Variants in DPYD observed in about 807,000 individuals in gnomAD.
DPYD encodes dihydropyrimidine dehydrogenase [NADP(+)].
A neutral mutation model predicts 116.2 loss-of-function variants in DPYD; 109 were observed. The ratio of observed to expected loss-of-function variants is 0.94; its 90% CI spans 0.80 to 1.10. The LOEUF (loss-of-function observed/expected upper bound fraction) is 1.10, where lower values mean the gene tolerates loss of function less well. DPYD is among the 50% of genes least tolerant of loss of function. DPYD has a pLI of 0.00. For missense variants in DPYD, 1,302 were observed against 1,254.5 expected (o/e 1.04, Z -0.57); for synonymous variants, 440 against 432.0 (o/e 1.02, Z -0.23).
rs770144122 is a variant in DPYD at position 97,740,398 on chromosome 1, T to C, written c.315A>G (p.Ala105=). The change falls in exon 4 of 23, where the codon GCA becomes GCG. Residue 105 remains alanine, a synonymous_variant. Coordinates refer to ENST00000370192, the MANE Select transcript of DPYD (RefSeq NM_000110.4). ...LDIKSFITSI[A]NKNYYGAAKM... is the part of the protein sequence containing the mutation. The stretch of plus-strand genomic sequence containing the variant: ...GAGTTAAATCTGAATTTACCTTGTT[T>C]GCAATACTTGTGATGAATGATTTAA... 1.2e-6 allele frequency: 2 copies of C among 1,611,526 alleles called. No homozygotes were observed. Among genetic ancestry groups the C allele is most frequent in the Admixed American group, 1.7e-5 (1 of 59,998 alleles).
chr1:97,853,803 C>T (rs2101573061), intron 2 of DPYD, among the ~76,000 whole-genome samples: 1 of 152,254 alleles, frequency 6.6e-6, no homozygotes, highest in South Asian at 2.1e-4. Flanking sequence ...AGTGTTCTCC[C>T]ACTTTCCAGT....
At chr1:97,612,642 CAT>C (rs1656016198) in intron 8 of DPYD, among the ~76,000 whole-genome samples, 1 of 152,024 alleles carries the variant, frequency 6.6e-6, no homozygotes, top group African/African-American at 2.4e-5. Context: ...AGTTATAAGA[CAT>C]ATATCATTTA....
chr1:97,586,477 T>C (rs866340429), intron 10 of DPYD, among the ~76,000 whole-genome samples: 1,812 of 55,178 alleles, frequency 0.033, 87 homozygotes, highest in East Asian at 0.055. Context: ...TATATATATA[T>C]ATATATATAT....
chr1:97,569,004 G>A (rs1652718146), intron 11 of DPYD, among the ~76,000 whole-genome samples: 1 of 152,060 alleles, frequency 6.6e-6, no homozygotes, highest in African/African-American at 2.4e-5. Context: ...TACAGGGTAT[G>A]GAGGAGGCAC....
intron 8 of DPYD, among the ~76,000 whole-genome samples, chr1:97,604,132 T>C (rs1200228098): frequency 1.3e-5 from 2 of 152,126 alleles, no homozygotes; most frequent in African/African-American, 4.8e-5. Context: ...TCTACATCTA[T>C]GTGATTTTCT....
At chr1:97,860,349 A>G (rs569851643) in intron 2 of DPYD, among the ~76,000 whole-genome samples, 18 of 152,324 alleles carry the variant, frequency 1.2e-4, no homozygotes, top group South Asian at 6.2e-4. Flanking sequence ...CTTACTTACT[A>G]CGGGAAAACA....
At chr1:97,894,302 CT>C (rs1355177823) in intron 1 of DPYD, among the ~76,000 whole-genome samples, 1 of 151,824 alleles carries the variant, frequency 6.6e-6, no homozygotes, top group Middle Eastern at 3.2e-3. Flanking sequence ...TCATCTACCC[CT>C]AGCTACCTTC....
chr1:97,572,213 A>ATGC (rs1652950708), intron 11 of DPYD, among the ~76,000 whole-genome samples: 1 of 151,986 alleles, frequency 6.6e-6, no homozygotes, highest in Non-Finnish European at 1.5e-5. Context: ...TAAATTCTGA[A>ATGC]ATGACCTAGT....
intron 21 of DPYD, among the ~76,000 whole-genome samples, chr1:97,088,753 T>A (rs527740416): frequency 4.1e-4 from 62 of 152,294 alleles, no homozygotes; most frequent in African/African-American, 1.5e-3. Context: ...CATGCCATAA[T>A]CTGGTCAGGA....
intron 16 of DPYD, among the ~76,000 whole-genome samples, chr1:97,323,498 T>TATGTGTATATATA (rs1454726069): frequency 1.2e-4 from 6 of 50,468 alleles, no homozygotes; most frequent in Non-Finnish European, 2.4e-4. Context: ...TATATACATA[T>TATGTGTATATATA]CATATGTACA....
At chr1:97,740,586 G>A (rs1461757731) in intron 3 of DPYD, 107 bp from the exon 4 acceptor site, 60 of 986,674 alleles carry the variant, frequency 6.1e-5, no homozygotes, top group Admixed American at 1.9e-4. Context: ...AAATAAAATC[G>A]TATCATTTTT....
chr1:97,725,333 C>T (rs1009440888), intron 4 of DPYD, among the ~76,000 whole-genome samples: 3 of 151,344 alleles, frequency 2.0e-5, no homozygotes, highest in African/African-American at 7.3e-5. Flanking sequence ...AAAATACATC[C>T]CATGATCATG....
intron 1 of DPYD, among the ~76,000 whole-genome samples, chr1:97,917,839 C>T (rs79055225): frequency 0.21 from 32,086 of 151,964 alleles, 3,594 homozygotes; most frequent in South Asian, 0.25. Flanking sequence ...TTATCCTTGC[C>T]GGTGGAGGGG....
chr1:97,416,882 AT>A (rs1364421028), intron 14 of DPYD, among the ~76,000 whole-genome samples: 1 of 152,156 alleles, frequency 6.6e-6, no homozygotes, highest in Non-Finnish European at 1.5e-5. Context: ...AGTTGTCAGC[AT>A]TTACCCTCAA....
At chr1:97,611,975 C>A (rs1368671527) in intron 8 of DPYD, among the ~76,000 whole-genome samples, 3 of 152,030 alleles carry the variant, frequency 2.0e-5, no homozygotes, top group Non-Finnish European at 2.9e-5. Context: ...ATTCTCATAA[C>A]TTTATTGTTA....
intron 3 of DPYD, among the ~76,000 whole-genome samples, chr1:97,794,445 G>GA (rs1374243565): frequency 1.3e-5 from 2 of 152,126 alleles, no homozygotes; most frequent in Non-Finnish European, 2.9e-5. Flanking sequence ...TAAAACACAT[G>GA]AAAAGATATT....
At chr1:97,800,413 G>A (rs1046256680) in intron 3 of DPYD, among the ~76,000 whole-genome samples, 2 of 151,698 alleles carry the variant, frequency 1.3e-5, no homozygotes, top group South Asian at 2.1e-4. Context: ...CCATGTCCAC[G>A]GTGAAAACCT....
chr1:97,723,346 G>A (rs1287795087), intron 4 of DPYD, among the ~76,000 whole-genome samples: 1 of 151,470 alleles, frequency 6.6e-6, no homozygotes, highest in African/African-American at 2.4e-5. Flanking sequence ...GCAGATAAGT[G>A]GCAGAGACAG....
At chr1:97,889,094 TTACAA>T (rs1302608614) in intron 1 of DPYD, among the ~76,000 whole-genome samples, 1 of 151,324 alleles carries the variant, frequency 6.6e-6, no homozygotes, top group Non-Finnish European at 1.5e-5. Context: ...GAGGTGGAGG[TTACAA>T]TGAGCCGAGA....
Sources: allele counts gnomAD v4.1 joint callset (sites outside exome capture counted in the v4.1 genomes callset), GRCh38; gene constraint gnomAD v4.1.1; transcripts MANE v1.5; gene names NCBI Gene and HGNC (gene_info 2026-07-23, HGNC 2026-07-21).